The following GSDMC variants were observed in gnomAD, a reference collection of about 807,000 sequenced individuals.
The protein encoded by GSDMC is gasdermin-C.
Under a neutral mutation model 58.0 loss-of-function variants are expected in GSDMC, and 59 were observed. That is an observed-to-expected ratio of 1.02 (90% CI 0.82 to 1.26). The LOEUF (loss-of-function observed/expected upper bound fraction) is 1.26. Among genes scored for constraint, GSDMC ranks in the 50% most tolerant of loss-of-function variants. GSDMC has a pLI of 0.00. For missense variants in GSDMC, 659 were observed against 598.5 expected, an observed-to-expected ratio of 1.10 and a Z score of -1.06; for synonymous variants, 241 against 220.2, an observed-to-expected ratio of 1.09 and a Z score of -0.83.
chr8:129,770,449 C>T (rs1332378757), intron 3 of GSDMC, among the ~76,000 whole-genome samples: 3 of 152,132 alleles, frequency 2.0e-5, no homozygotes. Context: ...TTAGCTGAGA[C>T]TGTACCACTG....
the GSDMC span, among the ~76,000 whole-genome samples, chr8:129,726,252 T>C: frequency 6.6e-6 from 1 of 152,202 alleles, no homozygotes; most frequent in Non-Finnish European, 1.5e-5. Flanking sequence ...ATCAATGTAG[T>C]GTTTCAAGAA....
At chr8:129,776,045 AG>A in intron 3 of GSDMC, 56 bp downstream of exon 3, 1 of 1,346,326 alleles carries the variant, frequency 7.4e-7, no homozygotes, top group Non-Finnish European at 1.0e-6. Context: ...TTTGTGTTCA[AG>A]GAAAACACCC....
Position 129,749,489 on chromosome 8 carries a change from G to A in GSDMC, c.1250C>T (p.Ser417Phe). The change falls in exon 13 of 14, where the codon TCC becomes TTC. Residue 417 changes from serine (S) to phenylalanine (F), a missense_variant. Ser to Phe is a radical substitution (Grantham distance 155). Coordinates refer to ENST00000276708, the MANE Select transcript of GSDMC (RefSeq NM_031415.3). Reference sequence around the variant, plus strand: ...CTGAAGCAGGATCCTCTTCTCCATGGAACAGGCCAGCAAATCGTGTTGGAA... The same window carrying A: ...CTGAAGCAGGATCCTCTTCTCCATGAAACAGGCCAGCAAATCGTGTTGGAA... The part of the protein sequence containing the change: ...SDFQHDLLAC[S>F]MEKRILLQQQ... 6.2e-7 allele frequency: 1 copy of A among 1,613,832 alleles called. No homozygotes were observed. The highest frequency in any genetic ancestry group is 8.5e-7 in the Non-Finnish European group (1 of 1,179,792).
At chr8:129,782,370 A>G (rs1171456600) in intron 1 of GSDMC, among the ~76,000 whole-genome samples, 1 of 152,200 alleles carries the variant, frequency 6.6e-6, no homozygotes, top group Non-Finnish European at 1.5e-5. Flanking sequence ...TGATCAGAGC[A>G]GAAATAAATG....
the GSDMC span, among the ~76,000 whole-genome samples, chr8:129,733,381 T>A: frequency 1.3e-5 from 2 of 152,204 alleles, no homozygotes; most frequent in Non-Finnish European, 2.9e-5. Context: ...CTGACCCCCA[T>A]GTAGCCTAAC....
chr8:129,749,584 A>G, intron 12 of GSDMC, 59 bp from the exon 13 acceptor site: 1 of 1,300,942 alleles, frequency 7.7e-7, no homozygotes, highest in Non-Finnish European at 1.1e-6. Context: ...TTTTCCTCCC[A>G]CCATAAAGCA....
At chr8:129,767,829 T>C (rs1020363458) in intron 3 of GSDMC, among the ~76,000 whole-genome samples, 1 of 151,760 alleles carries the variant, frequency 6.6e-6, no homozygotes, top group Admixed American at 6.6e-5. Context: ...GAGCACTTCA[T>C]GGGCCCCTAC....
chr8:129,752,867 C>T, intron 6 of GSDMC, 47 bp from the exon 7 acceptor site: 8 of 1,612,926 alleles, frequency 5.0e-6, no homozygotes, highest in Non-Finnish European at 6.8e-6. Flanking sequence ...TTACATTGAA[C>T]TCAGTACTGC....
chr8:129,747,897 A>G (rs896267303), downstream of GSDMC, among the ~76,000 whole-genome samples: 4 of 152,188 alleles, frequency 2.6e-5, no homozygotes, highest in Non-Finnish European at 5.9e-5. Flanking sequence ...TGAGACAGAT[A>G]CATGACCAAG....
chr8:129,737,912 G>A, the GSDMC span, among the ~76,000 whole-genome samples: 26 of 152,144 alleles, frequency 1.7e-4, no homozygotes, highest in East Asian at 3.5e-3. Flanking sequence ...CAATCTACTC[G>A]TCTGACAAAG....
chr8:129,714,971 T>G, the GSDMC span, among the ~76,000 whole-genome samples: 4 of 152,224 alleles, frequency 2.6e-5, no homozygotes, highest in African/African-American at 9.6e-5. Flanking sequence ...ATAATATACA[T>G]GTCAATTATA....
chr8:129,772,365 T>TA (rs1369623562), intron 3 of GSDMC, among the ~76,000 whole-genome samples: 1 of 147,698 alleles, frequency 6.8e-6, no homozygotes, highest in South Asian at 2.2e-4. Flanking sequence ...TGAAAAAAAT[T>TA]AAAAATTGAC....
rs776063807 is a variant in GSDMC, at chr8:129,751,582, C to T, written c.917-14G>A. ...CCTCTATTCTTCCTAGAAGGAGAATCAAGTCATCATCTCACTTCCTCATCC... is the reference window on the plus strand; with the variant it reads ...CCTCTATTCTTCCTAGAAGGAGAATTAAGTCATCATCTCACTTCCTCATCC... On this transcript the variant is annotated splice_polypyrimidine_tract_variant and intron_variant, in intron 9 of 13. Transcript: ENST00000276708. The T allele has an allele frequency of 9.3e-6, 15 of 1,611,734 alleles. No individual in the cohort carries two copies. In the Admixed American group the frequency reaches 2.5e-4, roughly 27 times the overall value.
chr8:129,743,110 T>C, the GSDMC span, among the ~76,000 whole-genome samples: 2,607 of 152,304 alleles, frequency 0.017, 25 homozygotes, highest in Middle Eastern at 0.068. Context: ...GCTTATCCTG[T>C]TCAGAGTTCA....
Position 129,765,730 on chromosome 8 carries a change from G to T in GSDMC, c.468C>A (p.Tyr156Ter). 1 of 1,612,072 alleles carries T rather than the reference G, an allele frequency of 6.2e-7. No homozygotes were observed. Among genetic ancestry groups the T allele is most frequent in the Non-Finnish European group, 8.5e-7 (1 of 1,178,120 alleles). The change falls in exon 4 of 14, where the codon TAC (tyrosine) becomes TAA (stop). Residue 156 changes from tyrosine to a stop codon, truncating the protein, a stop_gained. Coordinates refer to ENST00000276708, the MANE Select transcript of GSDMC (RefSeq NM_031415.3). LOFTEE classifies it high-confidence loss of function. ...TCAGTTCAACAGCCTCTGTCACCAC[G>T]TACAGGTTGTCCCCTCTCCTCCGGC... Reference protein sequence around the residue: ...KECRRRGDNLYVVTEAVELIN... With the variant: ...KECRRRGDNL
At chr8:129,785,928 A>G (rs2034542901) in intron 1 of GSDMC, 83 bp downstream of exon 1, 1 of 152,196 alleles carries the variant, frequency 6.6e-6, no homozygotes, top group Admixed American at 6.5e-5. Flanking sequence ...TCTTCGACTC[A>G]TTTCACAAAC....
chr8:129,738,795 A>T, the GSDMC span, among the ~76,000 whole-genome samples: 6 of 152,214 alleles, frequency 3.9e-5, no homozygotes, highest in Non-Finnish European at 5.9e-5. Flanking sequence ...CCTAGAACTT[A>T]AAGTATAGTT....
chr8:129,737,028 C>T, the GSDMC span, among the ~76,000 whole-genome samples: 3 of 152,306 alleles, frequency 2.0e-5, no homozygotes, highest in East Asian at 1.9e-4. Context: ...CATGAATGAA[C>T]TCCCATTCAC....
chr8:129,751,799 C>G lies in GSDMC; in HGVS notation c.916+63G>C, dbSNP rs1036296132. On this transcript the variant is annotated intron_variant, in intron 9 of 13. Coordinates refer to ENST00000276708, the MANE Select transcript of GSDMC (RefSeq NM_031415.3). ...CAAAGGCGAGGCAGGGGCAATCTGC[C>G]CTACTTACCCCATGTGTGCAGGATG... The G allele has an allele frequency of 3.3e-6, 5 of 1,508,104 alleles. No individual in the cohort carries two copies. The African/African-American group carries it at 6.9e-5, about 21-fold the overall frequency. The allele number at this position is 1,508,104 out of a possible 1,614,324, so 93.4% of individuals were successfully genotyped here. A position where few individuals can be genotyped will look rare whatever the true frequency, so the allele number is the denominator to read the frequency against.
Sources: gnomAD v4.1 joint callset for allele counts (sites outside exome capture counted in the v4.1 genomes callset) on GRCh38, gnomAD v4.1.1 for gene constraint, MANE v1.5 for transcripts, NCBI Gene and HGNC (gene_info 2026-07-23, HGNC 2026-07-21) for gene names.